The following RAB27B variants were observed in gnomAD, a reference collection of about 807,000 sequenced individuals.
RAB27B encodes the protein ras-related protein Rab-27B.
A neutral mutation model predicts 24.6 loss-of-function variants in RAB27B; 15 were observed. The ratio of observed to expected loss-of-function variants is 0.61; its 90% CI spans 0.41 to 0.94. RAB27B has a LOEUF of 0.94. RAB27B is among the 40% of genes least tolerant of loss of function. RAB27B has a pLI of 0.00. For synonymous variants in RAB27B, 105 were observed against 92.5 expected, an observed-to-expected ratio of 1.14 and a Z score of -0.78; for missense variants, 261 against 266.8, an observed-to-expected ratio of 0.98 and a Z score of 0.15.
intron 4 of RAB27B, among the ~76,000 whole-genome samples, chr18:54,885,623 CATCACTCTGT>C (rs201808486): frequency 0.021 from 3,258 of 152,246 alleles, 117 homozygotes; most frequent in African/African-American, 0.073. Context: ...AAATAGTACT[CATCACTCTGT>C]ATCCCCTCAA....
intron 1 of RAB27B, among the ~76,000 whole-genome samples, chr18:54,867,507 C>T (rs1259633742): frequency 2.2e-5 from 3 of 138,644 alleles, no homozygotes; most frequent in South Asian, 2.3e-4. Context: ...AGTGCAGTGA[C>T]GCTATCTCGG....
At chr18:54,746,725 G>A (rs1169400940) in intron 2 of RAB27B, among the ~76,000 whole-genome samples, 1 of 152,092 alleles carries the variant, frequency 6.6e-6, no homozygotes, top group Non-Finnish European at 1.5e-5. Flanking sequence ...GAGAATAATA[G>A]TGCCTTCATC....
intron 4 of RAB27B, among the ~76,000 whole-genome samples, chr18:54,887,368 G>T (rs773021851): frequency 9.2e-5 from 14 of 151,808 alleles, no homozygotes; most frequent in Non-Finnish European, 1.9e-4. Flanking sequence ...GATGTATTCC[G>T]TATTTACTGA....
intron 2 of RAB27B, among the ~76,000 whole-genome samples, chr18:54,746,366 G>A (rs1436265288): frequency 2.6e-5 from 4 of 152,136 alleles, no homozygotes; most frequent in African/African-American, 9.7e-5. Context: ...AGGATTTGTG[G>A]TAAGACCTGA....
intron 2 of RAB27B, among the ~76,000 whole-genome samples, chr18:54,725,280 G>A (rs141729368): frequency 4.0e-5 from 6 of 151,636 alleles, no homozygotes; most frequent in Non-Finnish European, 7.4e-5. Flanking sequence ...TCCTGTAAAC[G>A]TTAGTTCTTT....
chr18:54,738,760 G>T (rs957293087), intron 2 of RAB27B, among the ~76,000 whole-genome samples: 3 of 152,088 alleles, frequency 2.0e-5, no homozygotes, highest in Non-Finnish European at 2.9e-5. Context: ...TGCACCTTTT[G>T]CTAGTTGTGG....
chr18:54,845,053 C>T (rs1042490621), intron 1 of RAB27B, among the ~76,000 whole-genome samples: 8 of 152,152 alleles, frequency 5.3e-5, no homozygotes, highest in Non-Finnish European at 1.0e-4. Flanking sequence ...TTCTCTAAGA[C>T]GTATTAGCAT....
rs575170370 is a variant in RAB27B at position 54,859,539 on chromosome 18, G to A, written c.-19-18028G>A. On this transcript the variant is annotated intron_variant, in intron 1 of 5. Transcript: ENST00000262094. Reference sequence around the variant, plus strand: ...AAGCTAAAGAATATTGTAGAATTGGGAATGGCACTCTCTGTTGTCAGAACC... The same window carrying A: ...AAGCTAAAGAATATTGTAGAATTGGAAATGGCACTCTCTGTTGTCAGAACC... Among the ~76,000 whole-genome samples, 13 of 151,614 alleles carry A rather than the reference G, an allele frequency of 8.6e-5. 1 individual carries two copies. In the South Asian group the frequency reaches 2.7e-3, roughly 32 times the overall value.
chr18:54,854,320 C>G (rs555853380), intron 1 of RAB27B, among the ~76,000 whole-genome samples: 8 of 152,286 alleles, frequency 5.3e-5, no homozygotes, highest in African/African-American at 1.9e-4. Context: ...AGTGTCTCTC[C>G]GTGTTCCTAT....
At chr18:54,857,550 T>C (rs1248770680) in intron 1 of RAB27B, among the ~76,000 whole-genome samples, 1 of 152,238 alleles carries the variant, frequency 6.6e-6, no homozygotes, top group African/African-American at 2.4e-5. Context: ...CCATAAACAT[T>C]CAAAATAGGC....
intron 2 of RAB27B, among the ~76,000 whole-genome samples, chr18:54,772,409 T>A (rs1329790562): frequency 6.6e-6 from 1 of 152,240 alleles, no homozygotes; most frequent in Admixed American, 6.5e-5. Flanking sequence ...AGAGCTCTCC[T>A]GCCTCTTCTG....
intron 1 of RAB27B, among the ~76,000 whole-genome samples, chr18:54,836,078 G>A (rs555414508): frequency 2.0e-5 from 3 of 152,046 alleles, no homozygotes; most frequent in African/African-American, 7.3e-5. Flanking sequence ...TGATCACTAG[G>A]TGCAGGTACA....
chr18:54,815,004 G>A (rs890095971), intron 2 of RAB27B, among the ~76,000 whole-genome samples: 3 of 152,030 alleles, frequency 2.0e-5, no homozygotes, highest in African/African-American at 7.2e-5. Flanking sequence ...ACCCTAAGAA[G>A]TCTTTACAGG....
In RAB27B at chr18:54,812,550, AACACACACACACAC is replaced by A. The variant is rs10595171; in HGVS notation, c.-19-64986_-19-64973del. Among the ~76,000 whole-genome samples the A allele has an allele frequency of 5.9e-4, 82 of 139,202 alleles. 1 individual carries two copies. Among genetic ancestry groups the A allele is most frequent in the African/African-American group, 1.9e-3 (70 of 37,524 alleles). The allele number at this position is 139,202 out of a possible 152,430, so 91.3% of individuals were successfully genotyped here. On this transcript the variant is annotated intron_variant, in intron 2 of 4. Coordinates refer to the RAB27B transcript ENST00000586570. ...AGAAGTCTGACCATGGAACTCCTTT[AACACACACACACAC>A]ACACACACACACACACACACACACA...
chr18:54,838,331 T>C (rs1310973449), intron 1 of RAB27B, among the ~76,000 whole-genome samples: 1 of 152,136 alleles, frequency 6.6e-6, no homozygotes, highest in Admixed American at 6.6e-5. Flanking sequence ...TAGGGAAAGT[T>C]ACCTTGTCTC....
intron 1 of RAB27B, among the ~76,000 whole-genome samples, chr18:54,845,405 C>CAAAA (rs66477137): frequency 0.66 from 77,672 of 118,562 alleles, 27,152 homozygotes; most frequent in East Asian, 0.87. Context: ...GACTCCATCT[C>CAAAA]AAAAAAAAAA....
intron 2 of RAB27B, among the ~76,000 whole-genome samples, chr18:54,752,305 C>A (rs1907858508): frequency 6.6e-6 from 1 of 152,168 alleles, no homozygotes; most frequent in South Asian, 2.1e-4. Context: ...CAACTGGAAT[C>A]ATTTGAGGAG....
intron 2 of RAB27B, among the ~76,000 whole-genome samples, chr18:54,806,875 C>A (rs1909807070): frequency 6.6e-6 from 1 of 152,096 alleles, no homozygotes; most frequent in Non-Finnish European, 1.5e-5. Context: ...TGAGTAAATA[C>A]AGTTGACCAC....
At chr18:54,846,038 T>G (rs2145209091) in intron 1 of RAB27B, among the ~76,000 whole-genome samples, 1 of 152,322 alleles carries the variant, frequency 6.6e-6, no homozygotes, top group South Asian at 2.1e-4. Flanking sequence ...CTTTTCATGA[T>G]TTATTTAATG....
Sources: allele counts gnomAD v4.1 joint callset (sites outside exome capture counted in the v4.1 genomes callset), GRCh38; gene constraint gnomAD v4.1.1; transcripts MANE v1.5; gene names NCBI Gene and HGNC (gene_info 2026-07-23, HGNC 2026-07-21).